Variants in CDC42SE2 observed in about 807,000 individuals in gnomAD.
The protein encoded by CDC42SE2 is CDC42 small effector protein 2.
In CDC42SE2, 3 loss-of-function variants were observed where a neutral mutation model predicts 11.5. The observed-to-expected ratio is 0.26, with a 90% confidence interval of 0.12 to 0.67. The LOEUF is 0.67. Among genes scored for constraint, CDC42SE2 ranks in the 30% least tolerant of loss-of-function variants. The pLI is 0.80. For synonymous variants in CDC42SE2, 33 were observed against 34.8 expected (o/e 0.95, Z 0.18); for missense variants, 82 against 106.8 (o/e 0.77, Z 1.02).
chr5:131,347,985 G>A (rs867515479), intron 2 of CDC42SE2, among the ~76,000 whole-genome samples: 1 of 152,248 alleles, frequency 6.6e-6, no homozygotes, highest in Middle Eastern at 3.4e-3. Flanking sequence ...GGTATTGATG[G>A]GACGTATCTC....
rs577643636 is a variant in CDC42SE2, at chr5:131,275,212, A to AT, written c.-455+11055dup. Among the ~76,000 whole-genome samples, 490 of 150,942 alleles carry AT rather than the reference A, an allele frequency of 3.2e-3. 3 individuals carry two copies. The highest frequency in any genetic ancestry group is 5.1e-3 in the Non-Finnish European group (346 of 67,634). On this transcript the variant is annotated intron_variant, in intron 1 of 4. Transcript: ENST00000505065. Reference sequence around the variant, plus strand: ...AAAAAACCTATTTTGGGCTTGCGCTATTTTTTTTTAAAGTGATGTTTCTTC... The same window carrying AT: ...AAAAAACCTATTTTGGGCTTGCGCTATTTTTTTTTTAAAGTGATGTTTCTTC...
chr5:131,339,236 G>A (rs1275660850), intron 2 of CDC42SE2, among the ~76,000 whole-genome samples: 4 of 101,676 alleles, frequency 3.9e-5, no homozygotes, highest in Non-Finnish European at 5.3e-5. Flanking sequence ...GACAGAGTGA[G>A]ACTCTGTCTG....
intron 1 of CDC42SE2, among the ~76,000 whole-genome samples, chr5:131,275,791 C>T (rs1757088624): frequency 6.6e-6 from 1 of 151,558 alleles, no homozygotes; most frequent in Non-Finnish European, 1.5e-5. Context: ...AGAAGTCTCA[C>T]AGTTTTAGGG....
chr5:131,253,348 C>T (rs1756655922), intron 1 of CDC42SE2, among the ~76,000 whole-genome samples: 2 of 152,186 alleles, frequency 1.3e-5, no homozygotes, highest in African/African-American at 4.8e-5. Context: ...ATCCCAACAG[C>T]TTAAGGATAG....
chr5:131,391,160 A>T lies in CDC42SE2; in HGVS notation c.*69A>T. On this transcript the variant is annotated 3_prime_UTR_variant, in exon 5 of 5. Transcript: ENST00000505065. ...CCTGACGGCCAGACATGGCCAGGCCAATAATAGTAAATATATGTATATATA... is the reference window on the plus strand; with the variant it reads ...CCTGACGGCCAGACATGGCCAGGCCTATAATAGTAAATATATGTATATATA... 1 of 870,086 alleles carries T rather than the reference A, an allele frequency of 1.1e-6. No individual in the cohort carries two copies. The highest frequency in any genetic ancestry group is 1.8e-6 in the Non-Finnish European group (1 of 561,606). 53.9% of individuals were successfully genotyped at this position (870,086 alleles called of 1,614,324 possible). A position where few individuals can be genotyped will look rare whatever the true frequency, so the allele number is the denominator to read the frequency against.
At chr5:131,278,400 T>A (rs961207466) in intron 1 of CDC42SE2, among the ~76,000 whole-genome samples, 28 of 152,050 alleles carry the variant, frequency 1.8e-4, no homozygotes, top group East Asian at 1.9e-4. Flanking sequence ...TAGAAAAGGA[T>A]GAGAAAATTT....
At chr5:131,280,244 T>A (rs982632178) in intron 1 of CDC42SE2, among the ~76,000 whole-genome samples, 14 of 152,338 alleles carry the variant, frequency 9.2e-5, no homozygotes, top group Admixed American at 8.5e-4. Flanking sequence ...AAACTGTATT[T>A]AATGTAGAAC....
the CDC42SE2 span, among the ~76,000 whole-genome samples, chr5:131,213,495 G>A: frequency 6.6e-6 from 1 of 151,956 alleles, no homozygotes; most frequent in Non-Finnish European, 1.5e-5. Flanking sequence ...ATCACTCAGG[G>A]TGGAGTGCAG....
intron 1 of CDC42SE2, among the ~76,000 whole-genome samples, chr5:131,296,540 A>T (rs1251506077): frequency 6.6e-6 from 1 of 152,148 alleles, no homozygotes; most frequent in Non-Finnish European, 1.5e-5. Context: ...GCTTTACTCC[A>T]GTCTCTTGCC....
intron 2 of CDC42SE2, among the ~76,000 whole-genome samples, chr5:131,352,777 A>G (rs1249284700): frequency 1.3e-5 from 2 of 152,152 alleles, no homozygotes; most frequent in Non-Finnish European, 2.9e-5. Flanking sequence ...ATTGATATTT[A>G]TATTTGGTCA....
chr5:131,355,652 C>T (rs1749518605), intron 2 of CDC42SE2, among the ~76,000 whole-genome samples: 1 of 151,984 alleles, frequency 6.6e-6, no homozygotes, highest in African/African-American at 2.4e-5. Context: ...TTAAGTTTCA[C>T]ACAAACTGAG....
At chr5:131,268,553 A>C (rs1756921486) in intron 1 of CDC42SE2, among the ~76,000 whole-genome samples, 1 of 151,548 alleles carries the variant, frequency 6.6e-6, no homozygotes, top group South Asian at 2.1e-4. Flanking sequence ...CCCCGGTTCA[A>C]ACAATTCTCC....
At chr5:131,232,258 C>T in the CDC42SE2 span, among the ~76,000 whole-genome samples, 1 of 151,908 alleles carries the variant, frequency 6.6e-6, no homozygotes, top group South Asian at 2.1e-4. Flanking sequence ...GGACTACAGG[C>T]GTTCACCACT....
chr5:131,287,029 C>T (rs1286536012), intron 1 of CDC42SE2, among the ~76,000 whole-genome samples: 1 of 152,110 alleles, frequency 6.6e-6, no homozygotes, highest in African/African-American at 2.4e-5. Flanking sequence ...GAGTTTTGCT[C>T]TGTCGCCCAG....
chr5:131,269,763 C>CA (rs944583054), intron 1 of CDC42SE2, among the ~76,000 whole-genome samples: 7 of 148,482 alleles, frequency 4.7e-5, no homozygotes, highest in African/African-American at 9.9e-5. Context: ...GACTCCATCT[C>CA]AAAAAAAACA....
Position 131,385,631 on chromosome 5 carries a change from G to A in CDC42SE2, c.143G>A (p.Ser48Asn), listed in dbSNP as rs1750458966. 6.2e-7 allele frequency: 1 copy of A among 1,609,754 alleles called. No homozygotes were observed. Among genetic ancestry groups the A allele is most frequent in the East Asian group, 2.2e-5 (1 of 44,838 alleles). Reference protein sequence around the residue: ...TAHVGSGDLFSGMNSVSSIQN... With the variant: ...TAHVGSGDLFNGMNSVSSIQN... Reference sequence around the variant, plus strand: ...CATGTTGGATCAGGAGACCTGTTCAGTGGAATGAATTCAGTAAGTATGTTG... The same window carrying A: ...CATGTTGGATCAGGAGACCTGTTCAATGGAATGAATTCAGTAAGTATGTTG... Residue 48 changes from serine to asparagine, a missense_variant, in exon 4 of 5, where the codon AGT becomes AAT. Transcript: ENST00000505065.
chr5:131,238,468 A>G, the CDC42SE2 span, among the ~76,000 whole-genome samples: 6 of 146,292 alleles, frequency 4.1e-5, no homozygotes, highest in African/African-American at 1.6e-4. Context: ...GTGCCACTGC[A>G]CTCCAGCCTG....
intron 2 of CDC42SE2, among the ~76,000 whole-genome samples, chr5:131,332,815 G>A (rs1758454007): frequency 6.6e-6 from 1 of 152,058 alleles, no homozygotes. Context: ...TGATGGGGTT[G>A]TTTGTTTTTT....
the CDC42SE2 span, among the ~76,000 whole-genome samples, chr5:131,228,121 C>T: frequency 2.6e-5 from 4 of 152,094 alleles, no homozygotes; most frequent in African/African-American, 4.8e-5. Context: ...ACATGAGAAT[C>T]GCTTGAACCT....
Sources: allele counts gnomAD v4.1 joint callset (sites outside exome capture counted in the v4.1 genomes callset), GRCh38; gene constraint gnomAD v4.1.1; transcripts MANE v1.5; gene names NCBI Gene and HGNC (gene_info 2026-07-23, HGNC 2026-07-21).